Variants in KCNJ3 observed in about 807,000 individuals in gnomAD.
KCNJ3 encodes the protein potassium inwardly rectifying channel subfamily J member 3.
In KCNJ3, 4 loss-of-function variants were observed where a neutral mutation model predicts 39.2. The observed-to-expected ratio is 0.10, with a 90% CI of 0.05 to 0.23. The LOEUF is 0.23. KCNJ3 is among the 10% of genes least tolerant of loss of function. The pLI is 1.00. For synonymous variants in KCNJ3, 230 were observed against 237.4 expected, an observed-to-expected ratio of 0.97 and a Z score of 0.29; for missense variants, 276 against 634.9, an observed-to-expected ratio of 0.43 and a Z score of 6.08.
chr2:154,825,583 T>A (rs897991351), intron 2 of KCNJ3, among the ~76,000 whole-genome samples: 2 of 147,746 alleles, frequency 1.4e-5, no homozygotes, highest in South Asian at 2.1e-4. Context: ...TTTATTTATT[T>A]ATTATTTTTT....
chr2:154,714,571 C>T (rs959654488), intron 2 of KCNJ3, among the ~76,000 whole-genome samples: 15 of 152,194 alleles, frequency 9.9e-5, no homozygotes, highest in African/African-American at 3.6e-4. Context: ...TATTTAATTT[C>T]TAGGCCAATT....
At position 154,841,217 on chromosome 2, in the gene KCNJ3, T is replaced by C. The variant is rs571544534; in HGVS notation, c.920-13510T>C. On this transcript the variant is annotated intron_variant, in intron 2 of 2. Transcript: ENST00000295101. ...CATGTGGTTTTTGTCATTGGTTCTG[T>C]TTATGTGATGGATTACAGTGATTGA... 1.2e-4 allele frequency among the ~76,000 whole-genome samples: 19 copies of C among 152,310 alleles called. No individual in the cohort carries two copies. The South Asian group carries it at 3.3e-3, about 27-fold the overall frequency.
At chr2:154,729,371 G>T (rs1228045987) in intron 2 of KCNJ3, among the ~76,000 whole-genome samples, 1 of 152,104 alleles carries the variant, frequency 6.6e-6, no homozygotes, top group Admixed American at 6.5e-5. Context: ...GCAATAAAAT[G>T]TCATAAAGTG....
At chr2:154,797,628 A>T (rs1352431458) in intron 2 of KCNJ3, among the ~76,000 whole-genome samples, 1 of 152,080 alleles carries the variant, frequency 6.6e-6, no homozygotes, top group East Asian at 1.9e-4. Context: ...TATACATATA[A>T]ACATAATCAC....
At chr2:154,816,958 T>C (rs2105106480) in intron 2 of KCNJ3, among the ~76,000 whole-genome samples, 1 of 152,286 alleles carries the variant, frequency 6.6e-6, no homozygotes, top group East Asian at 1.9e-4. Context: ...CTGTGAGTAA[T>C]TTTAAATAGT....
chr2:154,714,773 T>C (rs1685156124), intron 2 of KCNJ3, among the ~76,000 whole-genome samples: 1 of 152,202 alleles, frequency 6.6e-6, no homozygotes, highest in Admixed American at 6.5e-5. Flanking sequence ...ATTGAGCAGG[T>C]ATTGTAGGCT....
At chr2:154,761,062 C>CTTTTTTTTTTT (rs11375045) in intron 2 of KCNJ3, among the ~76,000 whole-genome samples, 2 of 133,936 alleles carry the variant, frequency 1.5e-5, no homozygotes, top group Non-Finnish European at 1.6e-5. Context: ...TTAATTTTTT[C>CTTTTTTTTTTT]TTTTTTTTTT....
At chr2:154,738,904 T>C (rs1685594987) in intron 2 of KCNJ3, among the ~76,000 whole-genome samples, 1 of 151,706 alleles carries the variant, frequency 6.6e-6, no homozygotes, top group South Asian at 2.1e-4. Context: ...AGGAGAAAAA[T>C]AGTACCAGAT....
intron 2 of KCNJ3, among the ~76,000 whole-genome samples, chr2:154,780,360 G>A (rs770068778): frequency 1.7e-4 from 26 of 152,232 alleles, no homozygotes; most frequent in Non-Finnish European, 3.1e-4. Flanking sequence ...TTTCTTAAAT[G>A]ACTTAAGTTT....
intron 2 of KCNJ3, among the ~76,000 whole-genome samples, chr2:154,714,497 C>G (rs1326563405): frequency 6.6e-6 from 1 of 152,124 alleles, no homozygotes; most frequent in Admixed American, 6.5e-5. Context: ...AAAGTGCTCA[C>G]AAGTCCACCA....
At chr2:154,744,853 G>T (rs1407569322) in intron 2 of KCNJ3, among the ~76,000 whole-genome samples, 9 of 151,664 alleles carry the variant, frequency 5.9e-5, no homozygotes, top group Non-Finnish European at 1.3e-4. Flanking sequence ...TGCTTGCTTT[G>T]GATTTATATA....
rs983530698 is a variant in KCNJ3, at chr2:154,705,187, A to G, written c.703-4416A>G. On this transcript the variant is annotated intron_variant, in intron 1 of 2. Coordinates refer to ENST00000295101, the MANE Select transcript of KCNJ3 (RefSeq NM_002239.4). ...TAGTTACATATTAGAGAGACGGGAGAGAGAGAGGTAGCTAAGATATGGATT... is the reference window on the plus strand; with the variant it reads ...TAGTTACATATTAGAGAGACGGGAGGGAGAGAGGTAGCTAAGATATGGATT... 2.6e-5 allele frequency among the ~76,000 whole-genome samples: 4 copies of G among 152,180 alleles called. No homozygotes were observed. The East Asian group carries it at 7.7e-4, about 29-fold the overall frequency.
At chr2:154,799,232 A>G (rs1199837469) in intron 2 of KCNJ3, among the ~76,000 whole-genome samples, 1 of 152,114 alleles carries the variant, frequency 6.6e-6, no homozygotes, top group Non-Finnish European at 1.5e-5. Flanking sequence ...CCCAGGTTCA[A>G]ATGATTCCTA....
rs1474532909 is a variant in KCNJ3 at position 154,846,042 on chromosome 2, G to C, written c.920-8685G>C. Among the ~76,000 whole-genome samples the C allele has an allele frequency of 2.0e-5, 3 of 151,976 alleles. No individual in the cohort carries two copies. The East Asian group carries it at 5.8e-4, about 29-fold the overall frequency. ...AATTAAAGTAATAATAGGATAGGGA[G>C]TTAAAGGTAGTGCTTTGTCAACACA... is the stretch of plus-strand genomic sequence containing the variant. On this transcript the variant is annotated intron_variant, in intron 2 of 2. Transcript: ENST00000295101.
chr2:154,714,744 G>T (rs1315559944), intron 2 of KCNJ3, among the ~76,000 whole-genome samples: 1 of 151,930 alleles, frequency 6.6e-6, no homozygotes, highest in Non-Finnish European at 1.5e-5. Context: ...TAATTAATTT[G>T]TTCATCCAGC....
chr2:154,735,327 G>C (rs907575864), intron 2 of KCNJ3, among the ~76,000 whole-genome samples: 3 of 151,202 alleles, frequency 2.0e-5, no homozygotes, highest in African/African-American at 7.3e-5. Context: ...CGTTAGCCAG[G>C]ATGGTCTGGA....
chr2:154,834,479 C>T (rs1338120757), intron 2 of KCNJ3, among the ~76,000 whole-genome samples: 1 of 152,106 alleles, frequency 6.6e-6, no homozygotes, highest in Non-Finnish European at 1.5e-5. Context: ...CACCTGTAAT[C>T]CCAGCACTTT....
At chr2:154,776,085 C>G (rs898867319) in intron 2 of KCNJ3, among the ~76,000 whole-genome samples, 7 of 151,582 alleles carry the variant, frequency 4.6e-5, no homozygotes, top group African/African-American at 1.7e-4. Flanking sequence ...CACTGCAACC[C>G]CCGCCTCCTG....
At chr2:154,758,395 G>C (rs1448302179) in intron 2 of KCNJ3, among the ~76,000 whole-genome samples, 1 of 152,036 alleles carries the variant, frequency 6.6e-6, no homozygotes, top group Non-Finnish European at 1.5e-5. Context: ...CAAATATGTG[G>C]GTGCTGAAGT....
Sources: gnomAD v4.1 joint callset for allele counts (sites outside exome capture counted in the v4.1 genomes callset) on GRCh38, gnomAD v4.1.1 for gene constraint, MANE v1.5 for transcripts, NCBI Gene and HGNC (gene_info 2026-07-23, HGNC 2026-07-21) for gene names.